ESRRB: variants seen among roughly 807,000 people sequenced by gnomAD.
ESRRB encodes the protein steroid hormone receptor ERR2.
In ESRRB, 16 loss-of-function variants were observed where a neutral mutation model predicts 46.0. That is an observed-to-expected ratio of 0.35 (90% CI 0.24 to 0.53). The LOEUF (loss-of-function observed/expected upper bound fraction) is 0.53. Among genes scored for constraint, ESRRB ranks in the 20% least tolerant of loss-of-function variants. The pLI, the probability that ESRRB is intolerant of heterozygous loss-of-function variation, is 0.93. For synonymous variants in ESRRB, 246 were observed against 259.6 expected (o/e 0.95, Z 0.50); for missense variants, 488 against 607.4 (o/e 0.80, Z 2.07).
chr14:76,393,854 G>A (rs1885562385), intron 1 of ESRRB, among the ~76,000 whole-genome samples: 1 of 152,154 alleles, frequency 6.6e-6, no homozygotes, highest in African/African-American at 2.4e-5. Flanking sequence ...AGGCTGGAGT[G>A]CAGTGGCACG....
chr14:76,483,025 A>G (rs1224794516), intron 5 of ESRRB, among the ~76,000 whole-genome samples: 1 of 152,160 alleles, frequency 6.6e-6, no homozygotes, highest in Non-Finnish European at 1.5e-5. Context: ...TTGGATCTAC[A>G]ATCAGTGTAA....
At chr14:76,416,372 C>A (rs894606700) in intron 1 of ESRRB, among the ~76,000 whole-genome samples, 1 of 151,882 alleles carries the variant, frequency 6.6e-6, no homozygotes, top group Non-Finnish European at 1.5e-5. Context: ...GTTCAGACTG[C>A]CTTTGTCTCC....
At chr14:76,437,521 T>C (rs1325944312) in intron 1 of ESRRB, among the ~76,000 whole-genome samples, 1 of 152,162 alleles carries the variant, frequency 6.6e-6, no homozygotes, top group Non-Finnish European at 1.5e-5. Flanking sequence ...CGTCTTTCCA[T>C]TGGCAGGCTG....
chr14:76,447,084 C>A (rs1202851883), intron 2 of ESRRB, among the ~76,000 whole-genome samples: 1 of 152,192 alleles, frequency 6.6e-6, no homozygotes, highest in African/African-American at 2.4e-5. Flanking sequence ...TTCACTGATT[C>A]CGCAGCTATT....
intron 1 of ESRRB, among the ~76,000 whole-genome samples, chr14:76,379,093 C>T (rs1220791775): frequency 6.6e-6 from 1 of 152,192 alleles, no homozygotes; most frequent in Non-Finnish European, 1.5e-5. Flanking sequence ...GAATCATTCT[C>T]ACTTTCCCAG....
intron 1 of ESRRB, among the ~76,000 whole-genome samples, chr14:76,408,876 T>A (rs1180683020): frequency 6.6e-6 from 1 of 152,218 alleles, no homozygotes; most frequent in Non-Finnish European, 1.5e-5. Context: ...GCGCTTCATT[T>A]CAACCAGGCA....
chr14:76,469,571 T>TA (rs550398704), intron 3 of ESRRB, among the ~76,000 whole-genome samples: 149 of 152,242 alleles, frequency 9.8e-4, no homozygotes, highest in Admixed American at 2.6e-3. Context: ...TTTTTCACAT[T>TA]AAAAAAAGAG....
chr14:76,327,643 C>T (rs1054575012), intron 1 of ESRRB, among the ~76,000 whole-genome samples: 5 of 152,190 alleles, frequency 3.3e-5, no homozygotes, highest in Admixed American at 1.3e-4. Context: ...CTATGGCTTA[C>T]GGCTGTTGAA....
At chr14:76,431,218 C>T (rs760488988) in intron 1 of ESRRB, among the ~76,000 whole-genome samples, 3 of 152,274 alleles carry the variant, frequency 2.0e-5, no homozygotes, top group Middle Eastern at 3.4e-3. Flanking sequence ...TCACTTAAAG[C>T]TGAGAGGTGG....
chr14:76,325,799 G>A (rs1274834852), intron 1 of ESRRB, among the ~76,000 whole-genome samples: 1 of 152,230 alleles, frequency 6.6e-6, no homozygotes, highest in East Asian at 1.9e-4. Context: ...GGAGGTCAGG[G>A]CCATGAGGGC....
chr14:76,406,923 C>A (rs900669780), intron 1 of ESRRB, among the ~76,000 whole-genome samples: 1 of 152,198 alleles, frequency 6.6e-6, no homozygotes, highest in Admixed American at 6.5e-5. Context: ...TGTCTTGATC[C>A]GCCTCCTGCG....
chr14:76,427,215 A>G (rs1048254496), intron 1 of ESRRB, among the ~76,000 whole-genome samples: 1 of 152,140 alleles, frequency 6.6e-6, no homozygotes, highest in Admixed American at 6.5e-5. Flanking sequence ...CCTGACACCA[A>G]AAATCTAATG....
At chr14:76,331,034 C>T (rs548945385) in intron 1 of ESRRB, among the ~76,000 whole-genome samples, 1 of 152,248 alleles carries the variant, frequency 6.6e-6, no homozygotes, top group South Asian at 2.1e-4. Context: ...ACAGCCTGTC[C>T]TTGCTCACAC....
At chr14:76,340,339 AC>A (rs1222159756) in intron 1 of ESRRB, among the ~76,000 whole-genome samples, 1 of 152,226 alleles carries the variant, frequency 6.6e-6, no homozygotes, top group Non-Finnish European at 1.5e-5. Flanking sequence ...TGCTCCTGAC[AC>A]ACATTTCTTT....
At chr14:76,370,921 G>A (rs1334664823), upstream of ESRRB, among the ~76,000 whole-genome samples, 2 of 152,166 alleles carry the variant, frequency 1.3e-5, no homozygotes, top group African/African-American at 4.8e-5. Flanking sequence ...AATGGATCTT[G>A]AGGCTCAGAA....
At chr14:76,409,420 A>AC (rs1448634666) in intron 1 of ESRRB, among the ~76,000 whole-genome samples, 8 of 151,706 alleles carry the variant, frequency 5.3e-5, no homozygotes, top group African/African-American at 1.7e-4. Flanking sequence ...CTCTGCCTGC[A>AC]CCCCCCAGTC....
intron 1 of ESRRB, among the ~76,000 whole-genome samples, chr14:76,339,519 C>A (rs1000454738): frequency 2.0e-5 from 3 of 152,192 alleles, no homozygotes; most frequent in African/African-American, 7.2e-5. Context: ...GTATTCATAC[C>A]CACCCAGCTT....
intron 3 of ESRRB, 77 bp from the exon 4 acceptor site, chr14:76,481,939 T>C (rs1381984750): frequency 5.0e-6 from 7 of 1,400,460 alleles, no homozygotes; most frequent in Non-Finnish European, 6.0e-6. Flanking sequence ...CAGCCAGTGC[T>C]GAAATTCCAA....
At chr14:76,352,828 G>A (rs746921800) in intron 1 of ESRRB, among the ~76,000 whole-genome samples, 1 of 152,212 alleles carries the variant, frequency 6.6e-6, no homozygotes, top group Admixed American at 6.5e-5. Context: ...CTGGGAACGC[G>A]GGCTCTCTCC....
Sources: gnomAD v4.1 joint callset for allele counts (sites outside exome capture counted in the v4.1 genomes callset) on GRCh38, gnomAD v4.1.1 for gene constraint, MANE v1.5 for transcripts, NCBI Gene and HGNC (gene_info 2026-07-23, HGNC 2026-07-21) for gene names.